TSHZ2: variants seen among roughly 807,000 people sequenced by gnomAD.
The protein encoded by TSHZ2 is teashirt homolog 2.
TSHZ2 carries 21 observed loss-of-function variants against 74.4 expected under a neutral mutation model. That is an observed-to-expected ratio of 0.28 (90% CI 0.20 to 0.41). TSHZ2 has a LOEUF of 0.41. TSHZ2 is among the 10% of genes least tolerant of loss of function. The probability of loss-of-function intolerance (pLI) is 1.00; values close to 1 mark genes in which losing one functional copy is unlikely to be tolerated. For missense variants in TSHZ2, 1,244 were observed against 1,293.5 expected, an observed-to-expected ratio of 0.96 and a Z score of 0.59; for synonymous variants, 540 against 515.3, an observed-to-expected ratio of 1.05 and a Z score of -0.65.
At chr20:53,466,276 AAG>A (rs1600663025) in intron 2 of TSHZ2, among the ~76,000 whole-genome samples, 1 of 151,760 alleles carries the variant, frequency 6.6e-6, no homozygotes, top group Non-Finnish European at 1.5e-5. Flanking sequence ...AAAAAAAAGA[AAG>A]AGAAAAAGGA....
intron 2 of TSHZ2, among the ~76,000 whole-genome samples, chr20:53,485,225 A>G (rs1986261303): frequency 6.6e-6 from 1 of 151,826 alleles, no homozygotes; most frequent in Admixed American, 6.5e-5. Flanking sequence ...TGTTCATCAT[A>G]GTGTTATGTA....
intron 2 of TSHZ2, among the ~76,000 whole-genome samples, chr20:53,472,313 G>C (rs536238506): frequency 1.3e-5 from 2 of 152,200 alleles, no homozygotes; most frequent in Non-Finnish European, 2.9e-5. Context: ...AATACAGTTC[G>C]GGAGGATTTC....
intron 1 of TSHZ2, among the ~76,000 whole-genome samples, chr20:53,238,974 G>T (rs1990003987): frequency 6.6e-6 from 1 of 152,120 alleles, no homozygotes; most frequent in Non-Finnish European, 1.5e-5. Context: ...CGCCAAGATG[G>T]CCAACAGTAG....
intron 1 of TSHZ2, among the ~76,000 whole-genome samples, chr20:53,155,208 T>C (rs917749200): frequency 1.3e-5 from 2 of 151,938 alleles, no homozygotes; most frequent in Non-Finnish European, 2.9e-5. Context: ...GAAGTATTAT[T>C]GTATCAATTG....
At chr20:53,461,254 T>G (rs912788005) in intron 2 of TSHZ2, among the ~76,000 whole-genome samples, 2 of 152,216 alleles carry the variant, frequency 1.3e-5, no homozygotes, top group African/African-American at 4.8e-5. Context: ...TGCGCCGTTT[T>G]TTAAGCCCGT....
chr20:53,241,480 T>C (rs963037753), intron 1 of TSHZ2, among the ~76,000 whole-genome samples: 6 of 152,176 alleles, frequency 3.9e-5, no homozygotes, highest in Non-Finnish European at 8.8e-5. Flanking sequence ...TCTTGTAATA[T>C]AAAAATACTC....
At chr20:53,186,781 A>C (rs1458952509) in intron 1 of TSHZ2, among the ~76,000 whole-genome samples, 19 of 152,130 alleles carry the variant, frequency 1.2e-4, no homozygotes, top group Admixed American at 1.2e-3. Context: ...GGAGGGAGGC[A>C]GCAGCCGTAT....
chr20:53,249,215 TG>T (rs1197384884), intron 1 of TSHZ2, among the ~76,000 whole-genome samples: 1 of 152,156 alleles, frequency 6.6e-6, no homozygotes, highest in African/African-American at 2.4e-5. Flanking sequence ...GGGCTGAGGG[TG>T]GGCAGATCTT....
chr20:53,366,927 A>G (rs1434566290), intron 2 of TSHZ2, among the ~76,000 whole-genome samples: 1 of 152,182 alleles, frequency 6.6e-6, no homozygotes, highest in East Asian at 1.9e-4. Context: ...TATCAGTTCA[A>G]CTTTGTAAAG....
At chr20:53,328,683 A>T (rs767650240) in intron 2 of TSHZ2, among the ~76,000 whole-genome samples, 1 of 152,162 alleles carries the variant, frequency 6.6e-6, no homozygotes, top group Non-Finnish European at 1.5e-5. Flanking sequence ...CCTTTTTCCC[A>T]GTGGTTGCCA....
At chr20:53,235,476 T>G (rs2123681437) in intron 1 of TSHZ2, among the ~76,000 whole-genome samples, 1 of 152,276 alleles carries the variant, frequency 6.6e-6, no homozygotes, top group Admixed American at 6.5e-5. Context: ...GGCCAGGACT[T>G]GAGTTCATAT....
intron 2 of TSHZ2, chr20:53,455,523 T>C (rs1453389934): frequency 6.6e-6 from 1 of 152,328 alleles, no homozygotes; most frequent in African/African-American, 2.4e-5. Flanking sequence ...ATTTCATAAA[T>C]GTATACTAAT....
At chr20:53,106,621 G>A (rs1412418283) in intron 1 of TSHZ2, among the ~76,000 whole-genome samples, 29 of 150,504 alleles carry the variant, frequency 1.9e-4, no homozygotes, top group African/African-American at 7.1e-4. Flanking sequence ...AGCCAGGAGG[G>A]TCTCCATCTC....
At chr20:53,428,523 ACT>A (rs1983731651) in intron 2 of TSHZ2, among the ~76,000 whole-genome samples, 2 of 152,172 alleles carry the variant, frequency 1.3e-5, no homozygotes, top group South Asian at 2.1e-4. Context: ...TGGTCTTGAG[ACT>A]CTGAATCAAT....
chr20:53,352,541 A>C (rs1204588163), intron 2 of TSHZ2, among the ~76,000 whole-genome samples: 1 of 152,006 alleles, frequency 6.6e-6, no homozygotes, highest in East Asian at 1.9e-4. Flanking sequence ...TGGGAGGCCA[A>C]GGTGAGCGGG....
At chr20:53,347,567 T>C (rs557720722) in intron 2 of TSHZ2, among the ~76,000 whole-genome samples, 1 of 152,348 alleles carries the variant, frequency 6.6e-6, no homozygotes, top group Admixed American at 6.5e-5. Context: ...TATTGATTTA[T>C]TTATTGTCTG....
chr20:53,421,748 T>C (rs1286956360), intron 2 of TSHZ2: 1 of 144,770 alleles, frequency 6.9e-6, no homozygotes, highest in Non-Finnish European at 1.5e-5. Context: ...AGTGGCGCGA[T>C]CTTGGCTCAC....
rs756735462 is a variant in TSHZ2, at chr20:53,253,581, A to G, written c.123A>G (p.Gln41=). The G allele has an allele frequency of 3.7e-6, 6 of 1,614,112 alleles. No individual in the cohort carries two copies. The highest frequency in any genetic ancestry group is 1.6e-4 in the Middle Eastern group (1 of 6,062). Reference sequence around the variant, plus strand: ...AGGAGGACAGCGGTTCAGTAGCTCAACTGCAGGGTGGCAATGACACAGGGA... The same window carrying G: ...AGGAGGACAGCGGTTCAGTAGCTCAGCTGCAGGGTGGCAATGACACAGGGA... ...EEEEDSGSVA[Q]LQGGNDTGTD... The change falls in exon 2 of 3, where the codon CAA becomes CAG. Residue 41 remains glutamine, a synonymous_variant. Transcript: ENST00000371497.
intron 1 of TSHZ2, among the ~76,000 whole-genome samples, chr20:53,081,797 G>GT (rs1260635608): frequency 6.6e-6 from 1 of 151,950 alleles, no homozygotes; most frequent in Non-Finnish European, 1.5e-5. Flanking sequence ...AGCTCTGTGG[G>GT]TTTTATTGTG....
Sources: gnomAD v4.1 joint callset for allele counts (sites outside exome capture counted in the v4.1 genomes callset) on GRCh38, gnomAD v4.1.1 for gene constraint, MANE v1.5 for transcripts, NCBI Gene and HGNC (gene_info 2026-07-23, HGNC 2026-07-21) for gene names.